Variants in PRRC2C observed in about 807,000 individuals in gnomAD.
PRRC2C encodes proline rich coiled-coil 2C, also known as protein PRRC2C.
In PRRC2C, 72 loss-of-function variants were observed where a neutral mutation model predicts 317.2. That is an observed-to-expected ratio of 0.23 (90% CI 0.19 to 0.28). The LOEUF (loss-of-function observed/expected upper bound fraction) is 0.28, where lower values mean the gene tolerates loss of function less well. Ranked by LOEUF, PRRC2C falls within the 10% of genes least tolerant of loss-of-function variation. The pLI is 1.00. For synonymous variants in PRRC2C, 1,296 were observed against 1,205.9 expected, an observed-to-expected ratio of 1.07 and a Z score of -1.55; for missense variants, 3,074 against 3,459.7, an observed-to-expected ratio of 0.89 and a Z score of 2.80.
chr1:171,542,350 C>A, intron 16 of PRRC2C, 121 bp downstream of exon 16: 1 of 920,838 alleles, frequency 1.1e-6, no homozygotes. Context: ...TTGTTCTTCC[C>A]AAATGCTTTA....
intron 20 of PRRC2C, among the ~76,000 whole-genome samples, chr1:171,565,456 T>G (rs557514777): frequency 3.2e-3 from 358 of 113,462 alleles, no homozygotes; most frequent in African/African-American, 9.2e-3. Flanking sequence ...TGGGTTGGTT[T>G]GTTTGTTTTT....
chr1:171,496,441 G>A (rs1668119206), intron 1 of PRRC2C, among the ~76,000 whole-genome samples: 1 of 151,964 alleles, frequency 6.6e-6, no homozygotes, highest in South Asian at 2.1e-4. Flanking sequence ...GACCTCAAGT[G>A]ATCCACCTGC....
At chr1:171,529,045 C>T (rs532403594) in intron 11 of PRRC2C, among the ~76,000 whole-genome samples, 10 of 152,262 alleles carry the variant, frequency 6.6e-5, no homozygotes, top group African/African-American at 1.9e-4. Flanking sequence ...CCACCTTGAC[C>T]TACCAAAGTG....
chr1:171,535,508 G>C lies in PRRC2C; in HGVS notation c.1954G>C (p.Glu652Gln). The C allele has an allele frequency of 6.2e-7, 1 of 1,614,002 alleles. No homozygotes were observed. The highest frequency in any genetic ancestry group is 1.3e-5 in the African/African-American group (1 of 75,046). ...ATPVVHETEP[E>Q]SGSQPRPAVL... Reference sequence around the variant, plus strand: ...ACCAGTGGTGCATGAAACAGAACCAGAATCAGGGTCTCAACCTCGGCCGGC... The same window carrying C: ...ACCAGTGGTGCATGAAACAGAACCACAATCAGGGTCTCAACCTCGGCCGGC... Residue 652 changes from glutamate (E) to glutamine (Q), a missense_variant, in exon 13 of 35, where the codon GAA becomes CAA. This residue lies in a region of PRRC2C where 1,320 missense variants were observed against 1,395.7 expected (regional missense o/e 0.95). Coordinates refer to ENST00000647382, the MANE Select transcript of PRRC2C (RefSeq NM_001387844.1).
intron 34 of PRRC2C, among the ~76,000 whole-genome samples, chr1:171,589,983 C>CT (rs750871044): frequency 0.32 from 39,189 of 120,926 alleles, 6,054 homozygotes; most frequent in East Asian, 0.6. Flanking sequence ...CATTTTCTTT[C>CT]TTTTTTTTTT....
rs940322169 is a variant in PRRC2C, at chr1:171,593,337, C to G, written c.*1490C>G. On this transcript the variant is annotated 3_prime_UTR_variant, in exon 35 of 35. Transcript: ENST00000647382. ...GTGCTGTCAACTTTGGAAAAAGTAT[C>G]CCGGTTTACTGTGTTGAGTTGGCAT... 1 of 150,528 alleles carries G rather than the reference C, an allele frequency of 6.6e-6. No individual in the cohort carries two copies. Among genetic ancestry groups the G allele is most frequent in the Non-Finnish European group, 1.5e-5 (1 of 67,760 alleles). 9.3% of individuals were successfully genotyped at this position (150,528 alleles called of 1,614,324 possible).
rs1674163545 is a variant in PRRC2C at position 171,524,339 on chromosome 1, G to GAAGTTTGGAAGC, written c.1056-480_1056-469dup. Among the ~76,000 whole-genome samples the GAAGTTTGGAAGC allele has an allele frequency of 2.0e-5, 3 of 152,288 alleles. No individual in the cohort carries two copies. The South Asian group carries it at 6.2e-4, about 32-fold the overall frequency. Reference sequence around the variant, plus strand: ...AAAAGTTGGGCTTTTAAAATATATGGAAGTTTGGAAGCACATTTGGTATAA... The same window carrying GAAGTTTGGAAGC: ...AAAAGTTGGGCTTTTAAAATATATGGAAGTTTGGAAGCAAGTTTGGAAGCACATTTGGTATAA... On this transcript the variant is annotated intron_variant, in intron 9 of 34. Coordinates refer to ENST00000647382, the MANE Select transcript of PRRC2C (RefSeq NM_001387844.1).
chr1:171,527,733 G>A, intron 10 of PRRC2C, 58 bp from the exon 11 acceptor site: 1 of 1,440,222 alleles, frequency 6.9e-7, no homozygotes, highest in Non-Finnish European at 9.5e-7. Context: ...TCCAGCATGG[G>A]CAACAGAGCA....
chr1:171,575,024 G>A lies in PRRC2C; in HGVS notation c.6851G>A (p.Ser2284Asn), dbSNP rs1169297739. Reference sequence around the variant, plus strand: ...GCACCTCCAATTGCAACTGGAGTCAGCAGTAGTGCCAGTGGACCAAGCACT... The same window carrying A: ...GCACCTCCAATTGCAACTGGAGTCAACAGTAGTGCCAGTGGACCAAGCACT... Reference protein sequence around the residue: ...STAPPIATGVSSSASGPSTAN... With the variant: ...STAPPIATGVNSSASGPSTAN... Residue 2284 changes from serine (S) to asparagine (N), a missense_variant, in exon 25 of 35, where the codon AGC (serine) becomes AAC (asparagine). Transcript: ENST00000647382. The A allele has an allele frequency of 1.2e-6, 2 of 1,613,892 alleles. No homozygotes were observed. Among genetic ancestry groups the A allele is most frequent in the South Asian group, 1.1e-5 (1 of 91,060 alleles).
At chr1:171,558,653 A>C (rs561606757) in intron 19 of PRRC2C, among the ~76,000 whole-genome samples, 59 of 152,306 alleles carry the variant, frequency 3.9e-4, no homozygotes, top group African/African-American at 1.4e-3. Flanking sequence ...TAATTGATAA[A>C]TGTTTTGTGT....
chr1:171,500,235 A>C (rs1247846651), intron 1 of PRRC2C, among the ~76,000 whole-genome samples: 1 of 152,174 alleles, frequency 6.6e-6, no homozygotes, highest in African/African-American at 2.4e-5. Flanking sequence ...TATTTTTCCA[A>C]ATATACTAAA....
intron 19 of PRRC2C, among the ~76,000 whole-genome samples, chr1:171,560,203 CAG>C (rs1485061574): frequency 3.9e-5 from 6 of 152,158 alleles, no homozygotes; most frequent in South Asian, 2.1e-4. Context: ...TCAACATTAA[CAG>C]GGGTTTGGAA....
chr1:171,490,492 C>T (rs954658620), intron 1 of PRRC2C, among the ~76,000 whole-genome samples: 1 of 152,276 alleles, frequency 6.6e-6, no homozygotes, highest in Middle Eastern at 3.4e-3. Context: ...ATGAATTAGT[C>T]TTAACTACAT....
At position 171,566,713 on chromosome 1, in the gene PRRC2C, A is replaced by C. The variant is rs756646691; in HGVS notation, c.6428A>C (p.Lys2143Thr). Residue 2143 changes from lysine (K) to threonine (T), a missense_variant, in exon 22 of 35, where the codon AAA (lysine) becomes ACA (threonine). This residue lies in a region of PRRC2C where 640 missense variants were observed against 676.1 expected (regional missense o/e 0.95). Coordinates refer to ENST00000647382, the MANE Select transcript of PRRC2C (RefSeq NM_001387844.1). ...AQQVEPEGQE[K>T]PSPATVRSTD... ...CAGGTGGAGCCAGAAGGACAAGAGA[A>C]ACCAAGCCCAGCTACAGTCAGAAGC... is the stretch of plus-strand genomic sequence containing the variant. The C allele has an allele frequency of 3.7e-6, 6 of 1,613,738 alleles. No homozygotes were observed. The East Asian group carries it at 1.3e-4, about 36-fold the overall frequency.
intron 20 of PRRC2C, among the ~76,000 whole-genome samples, chr1:171,564,338 C>T (rs986937777): frequency 6.6e-6 from 1 of 152,100 alleles, no homozygotes; most frequent in Admixed American, 6.6e-5. Flanking sequence ...AAGGATATAA[C>T]ATTCTCTAAC....
chr1:171,555,409 G>C (rs1198642937), intron 18 of PRRC2C, among the ~76,000 whole-genome samples: 1 of 152,124 alleles, frequency 6.6e-6, no homozygotes, highest in Non-Finnish European at 1.5e-5. Flanking sequence ...GGGTTTGAAC[G>C]TCCTCCTTTA....
Position 171,545,778 on chromosome 1 carries a change from T to C in PRRC2C, c.4972+91T>C, listed in dbSNP as rs971783777. On this transcript the variant is annotated intron_variant, in intron 17 of 34. Coordinates refer to ENST00000647382, the MANE Select transcript of PRRC2C (RefSeq NM_001387844.1). The stretch of plus-strand genomic sequence containing the variant: ...CATTTTAAAATGTAGATGCCACAAT[T>C]AAAGAAGTTTTCCAAGAAGGAAAGA... 1.5e-5 allele frequency: 14 copies of C among 907,638 alleles called. No individual in the cohort carries two copies. In the African/African-American group the frequency reaches 2.3e-4, roughly 15 times the overall value. The allele number at this position is 907,638 out of a possible 1,614,324, so 56.2% of individuals were successfully genotyped here.
chr1:171,523,543 C>G, intron 9 of PRRC2C, 21 bp downstream of exon 9: 1 of 1,556,830 alleles, frequency 6.4e-7, no homozygotes, highest in African/African-American at 1.4e-5. Flanking sequence ...ATATCTTTTA[C>G]TAATAACAGT....
intron 20 of PRRC2C, among the ~76,000 whole-genome samples, chr1:171,564,761 TAC>T (rs1339699854): frequency 6.6e-6 from 1 of 152,204 alleles, no homozygotes; most frequent in Non-Finnish European, 1.5e-5. Flanking sequence ...ATAGAAAAGG[TAC>T]AGTAAAAATA....
Sources: allele counts gnomAD v4.1 joint callset (sites outside exome capture counted in the v4.1 genomes callset), GRCh38; gene constraint gnomAD v4.1.1; regional missense constraint gnomAD v4.1.1; transcripts MANE v1.5; gene names NCBI Gene and HGNC (gene_info 2026-07-23, HGNC 2026-07-21).